LNPK: variants seen among roughly 807,000 people sequenced by gnomAD.
LNPK encodes lunapark, ER junction formation factor.
LNPK carries 29 observed loss-of-function variants against 55.2 expected under a neutral mutation model. That is an observed-to-expected ratio of 0.53 (90% CI 0.39 to 0.72). The LOEUF is 0.72. LNPK is among the 30% of genes least tolerant of loss of function. The pLI, the probability that LNPK is intolerant of heterozygous loss-of-function variation, is 0.00. For synonymous variants in LNPK, 162 were observed against 168.2 expected (o/e 0.96, Z 0.29); for missense variants, 467 against 494.8 (o/e 0.94, Z 0.53).
intron 6 of LNPK, chr2:175,967,732 C>A (rs1036401998): frequency 3.7e-5 from 36 of 974,892 alleles, no homozygotes; most frequent in Non-Finnish European, 4.3e-5. Flanking sequence ...ATATCATTTT[C>A]TTTCATATAA....
chr2:175,945,912 C>G lies in LNPK; in HGVS notation c.706+1568G>C, dbSNP rs138395141. ...AGCTTGGCAAATTATCAAGTACCTG[C>G]TGGTTATTAATTTTCAAACATATGG... On this transcript the variant is annotated intron_variant, in intron 9 of 12. Coordinates refer to ENST00000272748, the MANE Select transcript of LNPK (RefSeq NM_030650.3). 1.0e-3 allele frequency among the ~76,000 whole-genome samples: 157 copies of G among 152,216 alleles called. 1 individual carries two copies. Among genetic ancestry groups the G allele is most frequent in the African/African-American group, 3.4e-3 (140 of 41,550 alleles).
chr2:175,971,169 T>C (rs1686647813), intron 5 of LNPK, among the ~76,000 whole-genome samples: 1 of 152,142 alleles, frequency 6.6e-6, no homozygotes. Context: ...TCTCTTTTTA[T>C]ACACTGGTAA....
At chr2:175,962,177 T>G (rs1425060980) in intron 8 of LNPK, among the ~76,000 whole-genome samples, 1 of 152,224 alleles carries the variant, frequency 6.6e-6, no homozygotes, top group East Asian at 1.9e-4. Flanking sequence ...TACCAGTGAC[T>G]TTCTTCGCAG....
At position 175,937,452 on chromosome 2, in the gene LNPK, T is replaced by C; in HGVS notation, c.946A>G (p.Arg316Gly). 6.2e-7 allele frequency: 1 copy of C among 1,613,648 alleles called. No individual in the cohort carries two copies. Among genetic ancestry groups the C allele is most frequent in the African/African-American group, 1.3e-5 (1 of 75,012 alleles). ...TTCTCAAAACTAAACTCAGGAAGTC[T>C]TGGAGCCTGAGGTCTGGTTTTTCTT... ...PARKTRPQAPRLPEFSFEKRQ... is the reference protein window; with the variant it reads ...PARKTRPQAPGLPEFSFEKRQ... Residue 316 changes from arginine (R) to glycine (G), a missense_variant, in exon 12 of 13, where the codon AGA becomes GGA. Arg to Gly is a moderately radical substitution (Grantham distance 125). Coordinates refer to ENST00000272748, the MANE Select transcript of LNPK (RefSeq NM_030650.3).
intron 6 of LNPK, among the ~76,000 whole-genome samples, chr2:175,969,186 C>T (rs186232657): frequency 8.5e-5 from 13 of 152,160 alleles, no homozygotes; most frequent in African/African-American, 3.1e-4. Flanking sequence ...GAATTAGAGC[C>T]AACATTTTTC....
chr2:175,993,080 TA>T, intron 3 of LNPK, 101 bp downstream of exon 3: 1 of 695,926 alleles, frequency 1.4e-6, no homozygotes, highest in Non-Finnish European at 2.4e-6. Context: ...ATATCATTTC[TA>T]AATTCCCATA....
In LNPK at chr2:175,930,103, G is replaced by A. The variant is rs1266599791; in HGVS notation, c.1151C>T (p.Ser384Phe). Residue 384 changes from serine (S) to phenylalanine (F), a missense_variant, in exon 13 of 13, where the codon TCT (serine) becomes TTT (phenylalanine). Transcript: ENST00000272748. ...EQTNQVIEKASDSEEPEEKQE... is the reference protein window; with the variant it reads ...EQTNQVIEKAFDSEEPEEKQE... ...TTTCTCCTCTGGTTCCTCTGAGTCA[G>A]ATGCTTTTTCAATCACTTGGTTTGT... 6.2e-7 allele frequency: 1 copy of A among 1,614,038 alleles called. No homozygotes were observed. Among genetic ancestry groups the A allele is most frequent in the Non-Finnish European group, 8.5e-7 (1 of 1,179,948 alleles).
At chr2:175,982,959 T>A (rs923292296) in intron 4 of LNPK, among the ~76,000 whole-genome samples, 29 of 152,184 alleles carry the variant, frequency 1.9e-4, no homozygotes, top group African/African-American at 4.8e-5. Context: ...TGCAAACTAC[T>A]TCTCTGGTAA....
intron 10 of LNPK, among the ~76,000 whole-genome samples, chr2:175,939,072 T>C (rs1684687348): frequency 6.6e-6 from 1 of 152,128 alleles, no homozygotes. Context: ...ATCCGATGAA[T>C]TTTTTAAAAA....
intron 1 of LNPK, among the ~76,000 whole-genome samples, chr2:175,998,055 A>G (rs905766672): frequency 1.3e-5 from 2 of 152,042 alleles, no homozygotes; most frequent in African/African-American, 4.8e-5. Flanking sequence ...AATACTTTAT[A>G]TTAATTTTAG....
At chr2:175,941,033 A>G (rs777176306) in intron 9 of LNPK, 5 of 449,944 alleles carry the variant, frequency 1.1e-5, no homozygotes, top group Non-Finnish European at 2.2e-5. Flanking sequence ...AGATCACTTG[A>G]GCTCAGGTGT....
rs376264330 is a variant in LNPK, at chr2:175,930,192, T to C, written c.1062A>G (p.Leu354=). The change falls in exon 13 of 13, where the codon TTA becomes TTG. Residue 354 remains leucine, a synonymous_variant. Transcript: ENST00000272748. ...SSDNQFNEES[L]EHDVLDDNTE... ...TATTATCATCAAGAACATCGTGTTC[T>C]AAAGATTCTGAAAAGATAAAGATTC... The C allele has an allele frequency of 3.0e-5, 48 of 1,611,658 alleles. No homozygotes were observed. The highest frequency in any genetic ancestry group is 4.1e-5 in the Non-Finnish European group (48 of 1,179,020).
intron 9 of LNPK, among the ~76,000 whole-genome samples, chr2:175,942,036 T>G (rs1367953939): frequency 2.0e-5 from 3 of 151,700 alleles, no homozygotes; most frequent in African/African-American, 7.2e-5. Flanking sequence ...TATACAAAAC[T>G]GAAAGAATTC....
intron 9 of LNPK, among the ~76,000 whole-genome samples, chr2:175,940,159 A>G (rs1684756115): frequency 2.0e-5 from 3 of 152,038 alleles, no homozygotes. Context: ...TAAAAACAAA[A>G]CATGCCCTAC....
intron 9 of LNPK, among the ~76,000 whole-genome samples, chr2:175,945,816 C>T (rs1185265897): frequency 6.6e-6 from 1 of 152,102 alleles, no homozygotes; most frequent in Non-Finnish European, 1.5e-5. Context: ...TATATGCATG[C>T]TGTTATAGAC....
chr2:175,998,270 C>T (rs193223679), intron 1 of LNPK, among the ~76,000 whole-genome samples: 156 of 151,888 alleles, frequency 1.0e-3, no homozygotes, highest in African/African-American at 3.3e-3. Flanking sequence ...GGTGAAACCC[C>T]GTCTCTACTA....
intron 4 of LNPK, among the ~76,000 whole-genome samples, chr2:175,984,059 T>C (rs1011620428): frequency 2.6e-5 from 4 of 151,990 alleles, no homozygotes; most frequent in Non-Finnish European, 4.4e-5. Flanking sequence ...AACTGATAAC[T>C]TGAACCTCAT....
At chr2:175,974,659 G>A (rs1036164174) in intron 5 of LNPK, among the ~76,000 whole-genome samples, 10 of 152,232 alleles carry the variant, frequency 6.6e-5, no homozygotes, top group African/African-American at 1.9e-4. Context: ...CCAGGCTGCA[G>A]CCATCAATTC....
intron 4 of LNPK, among the ~76,000 whole-genome samples, chr2:175,988,015 A>G (rs1687508019): frequency 6.6e-6 from 1 of 152,182 alleles, no homozygotes; most frequent in South Asian, 2.1e-4. Context: ...ATATAACTAA[A>G]CCTTCCTTAC....
Sources: gnomAD v4.1 joint callset for allele counts (sites outside exome capture counted in the v4.1 genomes callset) on GRCh38, gnomAD v4.1.1 for gene constraint, MANE v1.5 for transcripts, NCBI Gene and HGNC (gene_info 2026-07-23, HGNC 2026-07-21) for gene names.